CTNNA3: variants seen among roughly 807,000 people sequenced by gnomAD.
The protein encoded by CTNNA3 is catenin alpha-3.
CTNNA3 carries 76 observed loss-of-function variants against 95.7 expected under a neutral mutation model. The observed-to-expected ratio is 0.79, with a 90% CI of 0.66 to 0.96. CTNNA3 has a LOEUF of 0.96. CTNNA3 is among the 40% of genes least tolerant of loss of function. The probability of loss-of-function intolerance (pLI) is 0.00; values close to 1 mark genes in which losing one functional copy is unlikely to be tolerated. For missense variants in CTNNA3, 1,191 were observed against 1,089.8 expected (o/e 1.09, Z -1.31); for synonymous variants, 431 against 374.4 (o/e 1.15, Z -1.74).
intron 5 of CTNNA3, among the ~76,000 whole-genome samples, chr10:67,346,254 T>G (rs1364766387): frequency 6.6e-6 from 1 of 152,140 alleles, no homozygotes; most frequent in Non-Finnish European, 1.5e-5. Flanking sequence ...CACTTAAGAG[T>G]AGTTTATGCA....
chr10:66,436,501 CTTTT>C (rs34165061), intron 11 of CTNNA3, among the ~76,000 whole-genome samples: 71 of 60,376 alleles, frequency 1.2e-3, no homozygotes, highest in African/African-American at 3.8e-3. Flanking sequence ...ACAATCCCTG[CTTTT>C]TTTTTTTTTT....
At chr10:66,540,780 G>A (rs1005220762) in intron 10 of CTNNA3, among the ~76,000 whole-genome samples, 3 of 151,978 alleles carry the variant, frequency 2.0e-5, no homozygotes, top group Middle Eastern at 3.2e-3. Context: ...CAAAAGAACC[G>A]CTGCATTCCA....
intron 7 of CTNNA3, chr10:67,099,755 T>C (rs1190847972): frequency 1.3e-5 from 2 of 152,238 alleles, no homozygotes; most frequent in Admixed American, 1.3e-4. Flanking sequence ...TAACATATTT[T>C]GCATAAATTA....
At chr10:66,347,872 C>A (rs11817843) in intron 12 of CTNNA3, among the ~76,000 whole-genome samples, 2 of 151,570 alleles carry the variant, frequency 1.3e-5, no homozygotes, top group Non-Finnish European at 1.5e-5. Flanking sequence ...ATGCTCAGGA[C>A]GAGATAATCG....
chr10:67,743,766 C>T (rs1457332995), intron 1 of CTNNA3, among the ~76,000 whole-genome samples: 1 of 151,100 alleles, frequency 6.6e-6, no homozygotes, highest in Non-Finnish European at 1.5e-5. Context: ...CTATCTCAGC[C>T]CAAAATCTCC....
At chr10:66,804,925 G>C (rs1322335712) in intron 7 of CTNNA3, among the ~76,000 whole-genome samples, 2 of 152,054 alleles carry the variant, frequency 1.3e-5, no homozygotes, top group Admixed American at 1.3e-4. Flanking sequence ...TTCCCCAATT[G>C]ATAAGAGTAG....
intron 5 of CTNNA3, among the ~76,000 whole-genome samples, chr10:67,371,465 T>C (rs943541087): frequency 4.7e-5 from 7 of 148,526 alleles, no homozygotes; most frequent in Non-Finnish European, 1.0e-4. Context: ...CACCAATGAG[T>C]GAGAACATGT....
intron 5 of CTNNA3, among the ~76,000 whole-genome samples, chr10:67,259,722 C>A (rs1564518150): frequency 6.6e-6 from 1 of 152,116 alleles, no homozygotes; most frequent in African/African-American, 2.4e-5. Flanking sequence ...TATGTTTTTG[C>A]CTAATTGGCA....
At chr10:66,121,052 A>C (rs926272712) in intron 13 of CTNNA3, among the ~76,000 whole-genome samples, 1 of 152,336 alleles carries the variant, frequency 6.6e-6, no homozygotes, top group Middle Eastern at 3.4e-3. Context: ...CAGGTGTCCT[A>C]TATACATAAC....
intron 14 of CTNNA3, among the ~76,000 whole-genome samples, chr10:66,081,406 G>A (rs1161214541): frequency 6.6e-6 from 1 of 152,006 alleles, no homozygotes; most frequent in Non-Finnish European, 1.5e-5. Flanking sequence ...GAAGCCAGGA[G>A]TTCAAGACCA....
chr10:66,943,684 C>T (rs921838889), intron 7 of CTNNA3, among the ~76,000 whole-genome samples: 1 of 152,046 alleles, frequency 6.6e-6, no homozygotes, highest in African/African-American at 2.4e-5. Flanking sequence ...TACTTTTGTA[C>T]AGCAGGGGAA....
intron 7 of CTNNA3, among the ~76,000 whole-genome samples, chr10:67,167,868 C>T (rs1404705970): frequency 6.6e-6 from 1 of 152,128 alleles, no homozygotes; most frequent in African/African-American, 2.4e-5. Flanking sequence ...TATAGTGGCT[C>T]ACGCCTATAA....
At chr10:66,183,667 T>C (rs1165484228) in intron 13 of CTNNA3, among the ~76,000 whole-genome samples, 1 of 152,202 alleles carries the variant, frequency 6.6e-6, no homozygotes, top group Non-Finnish European at 1.5e-5. Context: ...AATGCAGCAG[T>C]TTTCGAGAGT....
intron 11 of CTNNA3, among the ~76,000 whole-genome samples, chr10:66,510,900 T>C (rs1840632764): frequency 6.6e-6 from 1 of 151,792 alleles, no homozygotes; most frequent in Non-Finnish European, 1.5e-5. Context: ...TAATGCTAGC[T>C]TCACAGAATT....
chr10:66,370,956 CA>C (rs1047788546), intron 12 of CTNNA3, among the ~76,000 whole-genome samples: 1 of 152,088 alleles, frequency 6.6e-6, no homozygotes, highest in Non-Finnish European at 1.5e-5. Flanking sequence ...CACTTGGGTT[CA>C]AGCAGTCCTC....
Position 66,150,120 on chromosome 10 carries a change from A to G in CTNNA3, c.1885-46871T>C, listed in dbSNP as rs564333460. ...CTCATCTTGAATTGTAACTCACACA[A>G]TTCCCACGTGTCATGGGGGGAACCC... On this transcript the variant is annotated intron_variant, in intron 13 of 17. Transcript: ENST00000433211. Among the ~76,000 whole-genome samples the G allele has an allele frequency of 2.6e-5, 4 of 152,352 alleles. No individual in the cohort carries two copies. The South Asian group carries it at 6.2e-4, about 24-fold the overall frequency.
intron 7 of CTNNA3, among the ~76,000 whole-genome samples, chr10:67,025,303 C>G (rs888270267): frequency 6.6e-6 from 1 of 151,634 alleles, no homozygotes; most frequent in Non-Finnish European, 1.5e-5. Context: ...GTTTGATTAG[C>G]TCATAAGCCT....
At chr10:66,844,852 C>T (rs1008503265) in intron 7 of CTNNA3, among the ~76,000 whole-genome samples, 1 of 152,134 alleles carries the variant, frequency 6.6e-6, no homozygotes, top group Non-Finnish European at 1.5e-5. Context: ...TACTATGGCC[C>T]TAACTTTTTG....
At chr10:66,226,320 A>G (rs945191075) in intron 13 of CTNNA3, among the ~76,000 whole-genome samples, 2 of 152,138 alleles carry the variant, frequency 1.3e-5, no homozygotes, top group African/African-American at 4.8e-5. Flanking sequence ...CCATTTTCCC[A>G]ATGCCTATTC....
Sources: allele counts gnomAD v4.1 joint callset (sites outside exome capture counted in the v4.1 genomes callset), GRCh38; gene constraint gnomAD v4.1.1; transcripts MANE v1.5; gene names NCBI Gene and HGNC (gene_info 2026-07-23, HGNC 2026-07-21).